Variants in HIP1 observed in about 807,000 individuals in gnomAD.
HIP1 encodes the protein huntingtin interacting protein 1, also known as huntingtin-interacting protein 1.
In HIP1, 65 loss-of-function variants were observed where a neutral mutation model predicts 147.6. The observed-to-expected ratio is 0.44, with a 90% CI of 0.36 to 0.54. The LOEUF is 0.54. HIP1 is among the 20% of genes least tolerant of loss of function. The pLI is 0.00. For synonymous variants in HIP1, 479 were observed against 504.0 expected (o/e 0.95, Z 0.67); for missense variants, 1,061 against 1,299.6 (o/e 0.82, Z 2.82).
chr7:75,603,470 T>C (rs1026455940), intron 1 of HIP1, among the ~76,000 whole-genome samples: 27 of 152,074 alleles, frequency 1.8e-4, no homozygotes, highest in Non-Finnish European at 3.7e-4. Flanking sequence ...AGGAAACTAA[T>C]TACAGGGTCC....
chr7:75,647,211 C>CAAAAAAAAAAAAAAAAAAAAAA lies in HIP1; in HGVS notation c.121-47986_121-47965dup, dbSNP rs60972195. Among the ~76,000 whole-genome samples, 4 of 58,002 alleles carry CAAAAAAAAAAAAAAAAAAAAAA rather than the reference C, an allele frequency of 6.9e-5. 1 individual carries two copies. Among genetic ancestry groups the CAAAAAAAAAAAAAAAAAAAAAA allele is most frequent in the Non-Finnish European group, 9.1e-5 (3 of 33,062 alleles). The allele number at this position is 58,002 out of a possible 152,430, so 38.1% of individuals were successfully genotyped here. ...CGAAACCCCATCTCTACTAAAAATACAAAAAAAAAAAAAAAAAAAAAAAAA... is the reference window on the plus strand; with the variant it reads ...CGAAACCCCATCTCTACTAAAAATACAAAAAAAAAAAAAAAAAAAAAAAAAAAAAAAAAAAAAAAAAAAAAAA... On this transcript the variant is annotated intron_variant, in intron 1 of 30. Coordinates refer to ENST00000336926, the MANE Select transcript of HIP1 (RefSeq NM_005338.7).
At chr7:75,672,325 CTT>C (rs34265805) in intron 1 of HIP1, among the ~76,000 whole-genome samples, 1 of 144,824 alleles carries the variant, frequency 6.9e-6, no homozygotes, top group Admixed American at 7.0e-5. Context: ...TTTTTACATT[CTT>C]TTTTTTTTTT....
intron 1 of HIP1, among the ~76,000 whole-genome samples, chr7:75,628,569 C>T (rs1332197765): frequency 6.6e-6 from 1 of 151,226 alleles, no homozygotes; most frequent in Non-Finnish European, 1.5e-5. Flanking sequence ...ACCTCTGCCT[C>T]CCGGGTTCAA....
At position 75,722,962 on chromosome 7, in the gene HIP1, C is replaced by A. The variant is rs906142576; in HGVS notation, c.120+15839G>T. Among the ~76,000 whole-genome samples, 7 of 152,156 alleles carry A rather than the reference C, an allele frequency of 4.6e-5. 1 individual carries two copies. Among genetic ancestry groups the A allele is most frequent in the Non-Finnish European group, 1.5e-5 (1 of 68,042 alleles). ...AAGCACCAATGAAACGACAAGTATT[C>A]CTGTAGGTCTGAAAGGGTGGCCTGT... On this transcript the variant is annotated intron_variant, in intron 1 of 30. Coordinates refer to ENST00000336926, the MANE Select transcript of HIP1 (RefSeq NM_005338.7).
chr7:75,574,087 T>A (rs1420191462), intron 7 of HIP1, among the ~76,000 whole-genome samples, 186 bp from the exon 8 acceptor site: 5 of 151,970 alleles, frequency 3.3e-5, no homozygotes, highest in African/African-American at 7.3e-5. Flanking sequence ...ATTAAACAGG[T>A]GAAGAAACAG....
intron 7 of HIP1, 135 bp downstream of exon 7, chr7:75,581,102 T>G (rs189309384): frequency 6.0e-6 from 4 of 669,626 alleles, no homozygotes; most frequent in African/African-American, 5.4e-5. Flanking sequence ...TGCACGAGGG[T>G]TGGAGAGACC....
chr7:75,599,267 G>T lies in HIP1; in HGVS notation c.121-20C>A, dbSNP rs1327031951. 5 of 1,583,698 alleles carry T rather than the reference G, an allele frequency of 3.2e-6. No homozygotes were observed. Among genetic ancestry groups the T allele is most frequent in the South Asian group, 2.2e-5 (2 of 90,512 alleles). On this transcript the variant is annotated intron_variant, in intron 1 of 30. Coordinates refer to ENST00000336926, the MANE Select transcript of HIP1 (RefSeq NM_005338.7). ...GACAGTCTGAAAAACAAGAAGGGGG[G>T]AGGGAAAGGAGGATGAGATGAATAA... is the stretch of plus-strand genomic sequence containing the variant.
intron 18 of HIP1, 126 bp downstream of exon 18, chr7:75,555,900 G>A (rs1175769989): frequency 1.7e-6 from 2 of 1,161,186 alleles, no homozygotes; most frequent in Non-Finnish European, 2.5e-6. Flanking sequence ...CAGAATGTCT[G>A]CACAATCAGG....
At chr7:75,671,632 G>C (rs1334195586) in intron 1 of HIP1, among the ~76,000 whole-genome samples, 2 of 152,072 alleles carry the variant, frequency 1.3e-5, no homozygotes. Flanking sequence ...TTTTTGAGGA[G>C]CTGCCATACT....
At chr7:75,620,545 G>A (rs955241040) in intron 1 of HIP1, among the ~76,000 whole-genome samples, 6 of 151,974 alleles carry the variant, frequency 3.9e-5, no homozygotes, top group African/African-American at 1.4e-4. Flanking sequence ...AATTAGCCAG[G>A]GGTGGTGGTG....
Position 75,557,703 on chromosome 7 carries a change from T to G in HIP1, c.1532A>C (p.Lys511Thr). 1 of 1,614,130 alleles carries G rather than the reference T, an allele frequency of 6.2e-7. No homozygotes were observed. The highest frequency in any genetic ancestry group is 8.5e-7 in the Non-Finnish European group (1 of 1,180,028). ...GCGCTCCAACGAATCCTCCAGCTCT[T>G]TTTTCTCTCGTTCCAAATCTACCTG... ...QAQVDLEREK[K>T]ELEDSLERIS... Residue 511 changes from lysine (K) to threonine (T), a missense_variant, in exon 16 of 31, where the codon AAA (lysine) becomes ACA (threonine). Physicochemically the swap from Lys to Thr is moderately conservative, Grantham distance 78. Transcript: ENST00000336926.
At chr7:75,542,997 G>A (rs782818564) in intron 27 of HIP1, 23 bp from the exon 28 acceptor site, 2 of 1,603,942 alleles carry the variant, frequency 1.2e-6, no homozygotes, top group South Asian at 1.1e-5. Context: ...AGCAGATTTA[G>A]GTTCATACAA....
chr7:75,680,041 G>C (rs896915986), intron 1 of HIP1, among the ~76,000 whole-genome samples: 21 of 152,106 alleles, frequency 1.4e-4, no homozygotes, highest in Non-Finnish European at 2.4e-4. Context: ...TTGATTGATT[G>C]ATTCATTCAT....
intron 2 of HIP1, among the ~76,000 whole-genome samples, chr7:75,595,192 CTTT>C (rs1563229946): frequency 2.8e-5 from 1 of 35,838 alleles, no homozygotes; most frequent in Non-Finnish European, 6.0e-5. Flanking sequence ...GGAGTCCTTT[CTTT>C]CTTTCTTTCT....
intron 1 of HIP1, among the ~76,000 whole-genome samples, chr7:75,709,870 G>C (rs1447418212): frequency 6.6e-6 from 1 of 151,870 alleles, no homozygotes; most frequent in Non-Finnish European, 1.5e-5. Flanking sequence ...TTCCTAGTTT[G>C]TTGAGTGTTT....
At chr7:75,648,544 G>A (rs571524792) in intron 1 of HIP1, among the ~76,000 whole-genome samples, 7 of 152,142 alleles carry the variant, frequency 4.6e-5, no homozygotes, top group Admixed American at 1.3e-4. Flanking sequence ...ATTTGACGTC[G>A]CAGGGGAAAG....
intron 1 of HIP1, among the ~76,000 whole-genome samples, chr7:75,720,517 G>C (rs1801468162): frequency 1.3e-5 from 2 of 152,256 alleles, no homozygotes; most frequent in South Asian, 4.1e-4. Context: ...TGGCTCTAAA[G>C]GCTGACCCCC....
rs1455673044 is a variant in HIP1 at position 75,708,599 on chromosome 7, G to GA, written c.120+30201dup. 2.4e-3 allele frequency among the ~76,000 whole-genome samples: 351 copies of GA among 148,708 alleles called. 2 individuals are homozygous for GA. The highest frequency in any genetic ancestry group is 8.2e-3 in the African/African-American group (332 of 40,630). On this transcript the variant is annotated intron_variant, in intron 1 of 30. Transcript: ENST00000336926. ...TCCAGTTTTCCCAGCACTATCTGGTGAAAAAAAAAAGTTTTTTCCTCATTG... is the reference window on the plus strand; with the variant it reads ...TCCAGTTTTCCCAGCACTATCTGGTGAAAAAAAAAAAGTTTTTTCCTCATTG...
Position 75,596,229 on chromosome 7 carries a change from C to G in HIP1, c.184+2955G>C, listed in dbSNP as rs1489020188. ...CCAGCCTGGGTGACAGTGCATGACC[C>G]TGCCTCAAAAAAAAAAAAAAAAAAA... is the stretch of plus-strand genomic sequence containing the variant. On this transcript the variant is annotated intron_variant, in intron 2 of 30. Coordinates refer to ENST00000336926, the MANE Select transcript of HIP1 (RefSeq NM_005338.7). Among the ~76,000 whole-genome samples, 6 of 118,738 alleles carry G rather than the reference C, an allele frequency of 5.1e-5. No individual in the cohort carries two copies. The East Asian group carries it at 1.5e-3, about 30-fold the overall frequency. 77.9% of individuals were successfully genotyped at this position (118,738 alleles called of 152,430 possible).
Sources: gnomAD v4.1 joint callset for allele counts (sites outside exome capture counted in the v4.1 genomes callset) on GRCh38, gnomAD v4.1.1 for gene constraint, MANE v1.5 for transcripts, NCBI Gene and HGNC (gene_info 2026-07-23, HGNC 2026-07-21) for gene names.